PPP1R37: variants seen among roughly 807,000 people sequenced by gnomAD.
PPP1R37 encodes leucine rich repeat containing 68.
Under a neutral mutation model 61.0 loss-of-function variants are expected in PPP1R37, and 21 were observed. That is an observed-to-expected ratio of 0.34 (90% CI 0.24 to 0.50). The LOEUF (loss-of-function observed/expected upper bound fraction) is 0.50. Among genes scored for constraint, PPP1R37 ranks in the 20% least tolerant of loss-of-function variants. The pLI is 0.98. For missense variants in PPP1R37, 910 were observed against 952.7 expected, an observed-to-expected ratio of 0.96 and a Z score of 0.59; for synonymous variants, 443 against 433.5, an observed-to-expected ratio of 1.02 and a Z score of -0.27.
rs74631362 is a variant in PPP1R37 at position 45,096,985 on chromosome 19, C to T, written c.202+3458C>T. Reference sequence around the variant, plus strand: ...ATTTGCAGGACAGAAAACCCAAGGGCCTGGGAACAGCAAGGAGCAGGGGTT... The same window carrying T: ...ATTTGCAGGACAGAAAACCCAAGGGTCTGGGAACAGCAAGGAGCAGGGGTT... On this transcript the variant is annotated intron_variant, in intron 1 of 12. Coordinates refer to ENST00000221462, the MANE Select transcript of PPP1R37 (RefSeq NM_019121.2). 2.3e-3 allele frequency among the ~76,000 whole-genome samples: 352 copies of T among 151,974 alleles called. 2 individuals are homozygous for T. Among genetic ancestry groups the T allele is most frequent in the African/African-American group, 7.5e-3 (310 of 41,416 alleles).
At chr19:45,122,815 G>A (rs1437050980) in intron 1 of PPP1R37, among the ~76,000 whole-genome samples, 1 of 152,064 alleles carries the variant, frequency 6.6e-6, no homozygotes, top group East Asian at 1.9e-4. Context: ...CCCAAGTGAG[G>A]TCTGGCCATG....
At position 45,093,414 on chromosome 19, in the gene PPP1R37, C is replaced by T. The variant is rs1055133732; in HGVS notation, c.89C>T (p.Pro30Leu). 8 of 1,534,492 alleles carry T rather than the reference C, an allele frequency of 5.2e-6. No individual in the cohort carries two copies. The South Asian group carries it at 7.1e-5, about 14-fold the overall frequency. Residue 30 changes from proline to leucine, a missense_variant, in exon 1 of 13, where the codon CCC (proline) becomes CTC (leucine). Coordinates refer to ENST00000221462, the MANE Select transcript of PPP1R37 (RefSeq NM_019121.2). ...EAPAEAGSPS[P>L]ASPPADGRLK... ...CCAGCTGAGGCCGGGTCTCCCAGCC[C>T]CGCGTCGCCCCCCGCCGATGGGCGC...
intron 2 of PPP1R37, among the ~76,000 whole-genome samples, chr19:45,139,589 C>T (rs1015325570): frequency 6.6e-6 from 1 of 152,358 alleles, no homozygotes; most frequent in African/African-American, 2.4e-5. Context: ...AGCAACCACG[C>T]TCCTTGTCCA....
intron 1 of PPP1R37, among the ~76,000 whole-genome samples, chr19:45,112,715 G>T (rs900425948): frequency 1.3e-5 from 2 of 152,166 alleles, no homozygotes; most frequent in African/African-American, 4.8e-5. Context: ...TCTAGGGATG[G>T]GTCTGCCTTC....
chr19:45,146,170 G>A, intron 11 of PPP1R37, 121 bp downstream of exon 11: 1 of 1,144,482 alleles, frequency 8.7e-7, no homozygotes, highest in Non-Finnish European at 1.2e-6. Context: ...GCAGGGGCCA[G>A]CAAAGTGGGG....
chr19:45,133,148 G>C (rs1205913352), intron 1 of PPP1R37, among the ~76,000 whole-genome samples: 1 of 152,058 alleles, frequency 6.6e-6, no homozygotes, highest in Non-Finnish European at 1.5e-5. Flanking sequence ...TGCGATCTCA[G>C]CTCACCACAA....
chr19:45,137,635 C>T lies in PPP1R37; in HGVS notation c.203-879C>T, dbSNP rs552247816. ...AAGGGGCCGGGCCCTGAATAGCGTA[C>T]GGCGATGTTTAGCTGTTGAGAGTGT... On this transcript the variant is annotated intron_variant, in intron 1 of 12. Transcript: ENST00000221462. 1.6e-4 allele frequency among the ~76,000 whole-genome samples: 24 copies of T among 152,216 alleles called. No homozygotes were observed. The South Asian group carries it at 2.3e-3, about 14-fold the overall frequency.
intron 1 of PPP1R37, among the ~76,000 whole-genome samples, chr19:45,122,883 T>A (rs1039543016): frequency 2.7e-4 from 41 of 152,070 alleles, no homozygotes; most frequent in African/African-American, 9.4e-4. Flanking sequence ...CCTTGACCCC[T>A]CCAGCCTCCT....
intron 1 of PPP1R37, among the ~76,000 whole-genome samples, chr19:45,119,217 C>T (rs925943442): frequency 1.3e-5 from 2 of 151,216 alleles, no homozygotes; most frequent in African/African-American, 2.4e-5. Context: ...TGCAGTGACA[C>T]GATCTCAGCT....
chr19:45,099,698 T>C (rs1968038198), intron 1 of PPP1R37, among the ~76,000 whole-genome samples: 1 of 152,260 alleles, frequency 6.6e-6, no homozygotes, highest in Non-Finnish European at 1.5e-5. Flanking sequence ...AGACTGTGTA[T>C]GAGTCACCTC....
At chr19:45,126,633 T>G (rs1881487351) in intron 1 of PPP1R37, among the ~76,000 whole-genome samples, 1 of 152,196 alleles carries the variant, frequency 6.6e-6, no homozygotes, top group African/African-American at 2.4e-5. Flanking sequence ...TTTTCTCTTT[T>G]GAGATTATGT....
chr19:45,120,484 C>G (rs1424145654), intron 1 of PPP1R37, among the ~76,000 whole-genome samples: 8 of 152,188 alleles, frequency 5.3e-5, no homozygotes, highest in African/African-American at 1.4e-4. Context: ...GCTAGCCGGT[C>G]CCTGCTGGTG....
At chr19:45,120,119 G>A (rs372703440) in intron 1 of PPP1R37, among the ~76,000 whole-genome samples, 49 of 143,866 alleles carry the variant, frequency 3.4e-4, no homozygotes, top group African/African-American at 1.2e-3. Context: ...CCAGGTTCAC[G>A]CCATTCTCCT....
rs1463413139 is a variant in PPP1R37, at chr19:45,145,086, C to T, written c.1130-8C>T. On this transcript the variant is annotated splice_polypyrimidine_tract_variant and splice_region_variant and intron_variant, in intron 9 of 12. Coordinates refer to ENST00000221462, the MANE Select transcript of PPP1R37 (RefSeq NM_019121.2). ...GGCCCGTGGCCAGCCCCTGCGGTGC[C>T]CCCCCAGGCGCGGTGGCGGTGGCGG... The T allele has an allele frequency of 2.0e-6, 3 of 1,531,736 alleles. No homozygotes were observed. The highest frequency in any genetic ancestry group is 1.4e-5 in the African/African-American group (1 of 72,472). The allele number at this position is 1,531,736 out of a possible 1,614,324, so 94.9% of individuals were successfully genotyped here. A position where few individuals can be genotyped will look rare whatever the true frequency, so the allele number is the denominator to read the frequency against.
At chr19:45,101,469 G>T (rs994447138) in intron 1 of PPP1R37, among the ~76,000 whole-genome samples, 1 of 152,190 alleles carries the variant, frequency 6.6e-6, no homozygotes, top group African/African-American at 2.4e-5. Context: ...TGTCATCCCA[G>T]CACTTCAGGA....
rs181779730 is a variant in PPP1R37, at chr19:45,146,315, G to T, written c.1994-75G>T. ...GCACTCTGCAGGCCCTGAGGGTCTG[G>T]CTGGGGCCGGGCTGGGGACAGGTTG... On this transcript the variant is annotated intron_variant, in intron 11 of 12. Transcript: ENST00000221462. The T allele has an allele frequency of 2.4e-3, 3,351 of 1,387,478 alleles. 99 individuals are homozygous for T. The highest frequency in any genetic ancestry group is 4.2e-4 in the Non-Finnish European group (424 of 1,020,210). 85.9% of individuals were successfully genotyped at this position (1,387,478 alleles called of 1,614,324 possible).
At chr19:45,109,706 A>C (rs1262820520) in intron 1 of PPP1R37, among the ~76,000 whole-genome samples, 1 of 152,200 alleles carries the variant, frequency 6.6e-6, no homozygotes, top group East Asian at 1.9e-4. Flanking sequence ...TTTCAGCAGG[A>C]GCCTGGACTC....
chr19:45,111,119 G>A (rs1459147455), intron 1 of PPP1R37, among the ~76,000 whole-genome samples: 2 of 152,086 alleles, frequency 1.3e-5, no homozygotes, highest in Admixed American at 6.5e-5. Flanking sequence ...GTCCTCTGCC[G>A]GATTGTCTTG....
Position 45,145,456 on chromosome 19 carries a change from C to G in PPP1R37, c.1400C>G (p.Pro467Arg). 6.5e-7 allele frequency: 1 copy of G among 1,535,150 alleles called. No individual in the cohort carries two copies. The highest frequency in any genetic ancestry group is 8.7e-7 in the Non-Finnish European group (1 of 1,146,590). ...CGGGAGAGGGAGGAGAAGGAGCAGC[C>G]GCCACAGCTGTCGGCCTCCATGCCT... ...LAREREEKEQ[P>R]PQLSASMPET... is the part of the protein sequence containing the mutation. The change falls in exon 11 of 13, where the codon CCG becomes CGG. Residue 467 changes from proline (P) to arginine (R), a missense_variant. Pro to Arg is a moderately radical substitution (Grantham distance 103). Coordinates refer to ENST00000221462, the MANE Select transcript of PPP1R37 (RefSeq NM_019121.2).
Sources: gnomAD v4.1 joint callset for allele counts (sites outside exome capture counted in the v4.1 genomes callset) on GRCh38, gnomAD v4.1.1 for gene constraint, MANE v1.5 for transcripts, NCBI Gene and HGNC (gene_info 2026-07-23, HGNC 2026-07-21) for gene names.